The following TENM3 variants were observed in gnomAD, a reference collection of about 807,000 sequenced individuals.
TENM3 encodes teneurin-3.
Under a neutral mutation model 255.1 loss-of-function variants are expected in TENM3, and 63 were observed. The observed-to-expected ratio is 0.25, with a 90% CI of 0.20 to 0.30. The LOEUF is 0.30. Among genes scored for constraint, TENM3 ranks in the 10% least tolerant of loss-of-function variants. The probability of loss-of-function intolerance (pLI) is 1.00; values close to 1 mark genes in which losing one functional copy is unlikely to be tolerated. For missense variants in TENM3, 2,929 were observed against 3,461.1 expected (o/e 0.85, Z 3.86); for synonymous variants, 1,306 against 1,322.3 (o/e 0.99, Z 0.27).
At chr4:182,612,976 C>T (rs1213766315) in intron 4 of TENM3, among the ~76,000 whole-genome samples, 2 of 152,090 alleles carry the variant, frequency 1.3e-5, no homozygotes, top group South Asian at 2.1e-4. Context: ...CAACTCTTAC[C>T]GCCGGAAATT....
chr4:181,854,584 G>A, the TENM3 span, among the ~76,000 whole-genome samples: 26 of 152,008 alleles, frequency 1.7e-4, no homozygotes, highest in African/African-American at 6.3e-4. Flanking sequence ...CATAATAGAC[G>A]TTTATGTCTT....
At chr4:181,881,538 A>C in the TENM3 span, among the ~76,000 whole-genome samples, 1 of 152,178 alleles carries the variant, frequency 6.6e-6, no homozygotes, top group East Asian at 1.9e-4. Context: ...TATCATGTAC[A>C]AAGCATTATT....
chr4:182,632,421 A>G (rs1001484735), intron 5 of TENM3, among the ~76,000 whole-genome samples: 14 of 152,204 alleles, frequency 9.2e-5, no homozygotes, highest in East Asian at 1.9e-4. Context: ...CATTACATCT[A>G]TTTATCTGTC....
At chr4:182,124,761 T>C in the TENM3 span, among the ~76,000 whole-genome samples, 2,600 of 152,336 alleles carry the variant, frequency 0.017, 69 homozygotes, top group African/African-American at 0.059. Flanking sequence ...TTTCACTTCC[T>C]GATGTTTGAG....
intron 16 of TENM3, among the ~76,000 whole-genome samples, chr4:182,734,831 A>G (rs1023645623): frequency 6.6e-6 from 1 of 152,202 alleles, no homozygotes; most frequent in Admixed American, 6.5e-5. Flanking sequence ...AGTACAACAC[A>G]TGATATTTTG....
chr4:182,680,383 T>C (rs1321763902), intron 9 of TENM3, 34 bp downstream of exon 9: 1 of 1,448,018 alleles, frequency 6.9e-7, no homozygotes, highest in Non-Finnish European at 9.5e-7. Flanking sequence ...TAAGCCGATA[T>C]AAATAAGCTG....
At chr4:181,986,363 C>T in the TENM3 span, among the ~76,000 whole-genome samples, 122 of 152,158 alleles carry the variant, frequency 8.0e-4, no homozygotes, top group Admixed American at 1.8e-3. Flanking sequence ...CCCACCATTT[C>T]ACCTCTTCTA....
the TENM3 span, among the ~76,000 whole-genome samples, chr4:182,038,968 A>C: frequency 0.013 from 1,951 of 152,112 alleles, 43 homozygotes; most frequent in African/African-American, 0.044. Flanking sequence ...CCTGACCTTA[A>C]GTGATCCACC....
At chr4:182,668,045 A>G (rs1754868703) in intron 6 of TENM3, among the ~76,000 whole-genome samples, 3 of 152,054 alleles carry the variant, frequency 2.0e-5, no homozygotes, top group African/African-American at 7.2e-5. Context: ...TAAAAAGGTT[A>G]TCTCTCTTTC....
At chr4:182,050,922 C>T in the TENM3 span, among the ~76,000 whole-genome samples, 13 of 152,278 alleles carry the variant, frequency 8.5e-5, no homozygotes, top group African/African-American at 2.6e-4. Context: ...CAGCCACTGG[C>T]GATTACAGTG....
chr4:182,457,556 A>ATTTTT (rs1313518502), intron 3 of TENM3, among the ~76,000 whole-genome samples: 1 of 38,988 alleles, frequency 2.6e-5, no homozygotes, highest in Non-Finnish European at 6.0e-5. Flanking sequence ...AATCATGTAT[A>ATTTTT]TCTTTTTTTT....
rs953544135 is a variant in TENM3 at position 182,436,278 on chromosome 4, G to A, written c.511+89349G>A. Among the ~76,000 whole-genome samples, 15 of 152,156 alleles carry A rather than the reference G, an allele frequency of 9.9e-5. No homozygotes were observed. The East Asian group carries it at 1.3e-3, about 14-fold the overall frequency. On this transcript the variant is annotated intron_variant, in intron 3 of 27. Transcript: ENST00000511685. ...TCCAAACGGACCGAGTTCCGAGTGCGTAACCCTGTGAATAGGATATCCTGG... is the reference window on the plus strand; with the variant it reads ...TCCAAACGGACCGAGTTCCGAGTGCATAACCCTGTGAATAGGATATCCTGG...
intron 3 of TENM3, among the ~76,000 whole-genome samples, chr4:182,579,535 A>G (rs994521951): frequency 2.6e-5 from 4 of 152,188 alleles, no homozygotes; most frequent in African/African-American, 4.8e-5. Flanking sequence ...GAGATCTTGG[A>G]TTGGGCAGAG....
At chr4:182,783,934 G>A (rs947057362) in intron 24 of TENM3, among the ~76,000 whole-genome samples, 4 of 151,908 alleles carry the variant, frequency 2.6e-5, no homozygotes, top group Admixed American at 6.6e-5. Context: ...TCTCTGTATT[G>A]GTTATTCTAG....
At chr4:182,134,085 T>C in the TENM3 span, among the ~76,000 whole-genome samples, 1 of 150,458 alleles carries the variant, frequency 6.6e-6, no homozygotes, top group Admixed American at 6.7e-5. Flanking sequence ...AGGGTTACCA[T>C]AGATAGTTAG....
At chr4:182,760,079 C>G (rs983973203) in intron 22 of TENM3, among the ~76,000 whole-genome samples, 2 of 152,114 alleles carry the variant, frequency 1.3e-5, no homozygotes, top group Admixed American at 1.3e-4. Context: ...TGGCTCTGAC[C>G]TCCTCTTCCA....
At chr4:182,236,832 A>G (rs1756927376) in intron 1 of TENM3, among the ~76,000 whole-genome samples, 1 of 152,214 alleles carries the variant, frequency 6.6e-6, no homozygotes, top group Non-Finnish European at 1.5e-5. Context: ...TATTAAACCC[A>G]GAGATGCTTT....
intron 3 of TENM3, among the ~76,000 whole-genome samples, chr4:182,412,998 A>G (rs1770104512): frequency 6.6e-6 from 1 of 152,148 alleles, no homozygotes; most frequent in African/African-American, 2.4e-5. Context: ...TCTAGGTTCA[A>G]CATAATTGGA....
chr4:182,389,380 A>T (rs1424740337), intron 3 of TENM3, among the ~76,000 whole-genome samples: 2 of 20,776 alleles, frequency 9.6e-5, no homozygotes, highest in Non-Finnish European at 2.1e-4. Flanking sequence ...GGTTTGGTAG[A>T]TGGAAAAAAA....
Sources: allele counts gnomAD v4.1 joint callset (sites outside exome capture counted in the v4.1 genomes callset), GRCh38; gene constraint gnomAD v4.1.1; transcripts MANE v1.5; gene names NCBI Gene and HGNC (gene_info 2026-07-23, HGNC 2026-07-21).